Variants in GAS7 observed in about 807,000 individuals in gnomAD.
The protein encoded by GAS7 is growth arrest specific 7.
In GAS7, 28 loss-of-function variants were observed where a neutral mutation model predicts 71.1. That is an observed-to-expected ratio of 0.39 (90% confidence interval 0.29 to 0.54). GAS7 has a LOEUF of 0.54. Among genes scored for constraint, GAS7 ranks in the 20% least tolerant of loss-of-function variants. The pLI, the probability that GAS7 is intolerant of heterozygous loss-of-function variation, is 0.62. For missense variants in GAS7, 436 were observed against 627.8 expected, an observed-to-expected ratio of 0.69 and a Z score of 3.27; for synonymous variants, 258 against 245.8, an observed-to-expected ratio of 1.05 and a Z score of -0.46.
chr17:10,169,366 G>A (rs2074318414), intron 1 of GAS7, among the ~76,000 whole-genome samples: 1 of 152,146 alleles, frequency 6.6e-6, no homozygotes, highest in Non-Finnish European at 1.5e-5. Flanking sequence ...CTTCTTGTGG[G>A]TTAAGCCTGC....
In GAS7 at chr17:9,916,314, G is replaced by T; in HGVS notation, c.*914C>A. On this transcript the variant is annotated 3_prime_UTR_variant, in exon 14 of 14. Coordinates refer to ENST00000432992, the MANE Select transcript of GAS7 (RefSeq NM_201433.2). ...GCAGCCCAAAGGTGCACAGGGCACC[G>T]TGGCGGACAGGCCCCAGCTTGCTGG... The T allele has an allele frequency of 4.3e-6, 1 of 233,324 alleles. No individual in the cohort carries two copies. The highest frequency in any genetic ancestry group is 2.2e-5 in the African/African-American group (1 of 45,474). 14.5% of individuals were successfully genotyped at this position (233,324 alleles called of 1,614,324 possible). A position where few individuals can be genotyped will look rare whatever the true frequency, so the allele number is the denominator to read the frequency against.
At chr17:10,141,481 C>T (rs925806095) in intron 1 of GAS7, among the ~76,000 whole-genome samples, 17 of 152,000 alleles carry the variant, frequency 1.1e-4, no homozygotes, top group African/African-American at 3.4e-4. Context: ...AGTGCCTGAG[C>T]ACCCCTGAAG....
At chr17:10,161,334 G>A (rs2074254880) in intron 1 of GAS7, among the ~76,000 whole-genome samples, 2 of 152,214 alleles carry the variant, frequency 1.3e-5, no homozygotes, top group South Asian at 4.1e-4. Context: ...GGATTTAGGA[G>A]AGGCCTGGTT....
At chr17:9,965,882 G>A (rs1427391216) in intron 4 of GAS7, among the ~76,000 whole-genome samples, 2 of 152,060 alleles carry the variant, frequency 1.3e-5, no homozygotes, top group African/African-American at 2.4e-5. Flanking sequence ...GGCACCCTCA[G>A]GAACTGTGGG....
At chr17:10,116,860 C>T (rs1176377599) in intron 1 of GAS7, among the ~76,000 whole-genome samples, 1 of 151,712 alleles carries the variant, frequency 6.6e-6, no homozygotes, top group Non-Finnish European at 1.5e-5. Context: ...GGTCAATGAT[C>T]CAGTTTTGCT....
intron 1 of GAS7, among the ~76,000 whole-genome samples, chr17:10,180,406 C>T (rs2074405771): frequency 6.6e-6 from 1 of 151,868 alleles, no homozygotes; most frequent in African/African-American, 2.4e-5. Flanking sequence ...CTCATACAGC[C>T]AGCATGCAAA....
At chr17:10,126,437 C>A (rs966338429) in intron 1 of GAS7, among the ~76,000 whole-genome samples, 3 of 151,042 alleles carry the variant, frequency 2.0e-5, no homozygotes, top group African/African-American at 7.3e-5. Flanking sequence ...CACGCAGATG[C>A]ACACACGCGC....
chr17:9,953,144 A>G (rs996790360), intron 5 of GAS7, among the ~76,000 whole-genome samples: 28 of 152,002 alleles, frequency 1.8e-4, no homozygotes, highest in Admixed American at 1.8e-3. Context: ...TACATATACA[A>G]CATGAAATAC....
chr17:10,107,500 T>A (rs1159262342), intron 1 of GAS7, among the ~76,000 whole-genome samples: 1 of 144,622 alleles, frequency 6.9e-6, no homozygotes, highest in Non-Finnish European at 1.5e-5. Flanking sequence ...AGTCCAGTGG[T>A]GGCGGGCTGG....
chr17:9,999,518 A>C (rs1330679619), intron 2 of GAS7, among the ~76,000 whole-genome samples: 11 of 91,100 alleles, frequency 1.2e-4, no homozygotes, highest in African/African-American at 1.1e-3. Flanking sequence ...ACTTTGCCTC[A>C]AAAAAAAAAA....
intron 1 of GAS7, among the ~76,000 whole-genome samples, chr17:10,162,333 T>G (rs566567950): frequency 9.9e-5 from 15 of 152,252 alleles, no homozygotes; most frequent in African/African-American, 3.6e-4. Context: ...ATCCTCTCTC[T>G]CTAGGAGGGA....
At chr17:10,116,890 G>A (rs915525671) in intron 1 of GAS7, among the ~76,000 whole-genome samples, 1 of 151,760 alleles carries the variant, frequency 6.6e-6, no homozygotes, top group Non-Finnish European at 1.5e-5. Context: ...TAAATGATGA[G>A]GGGGGGAAAA....
rs894486738 is a variant in GAS7 at position 10,034,014 on chromosome 17, C to T, written c.184-14117G>A. On this transcript the variant is annotated intron_variant, in intron 1 of 13. Coordinates refer to ENST00000432992, the MANE Select transcript of GAS7 (RefSeq NM_201433.2). This position sits in a 1 kb window ranked among gnomAD's most constrained non-coding sequence, Gnocchi z 4.4. Reference sequence around the variant, plus strand: ...GTAAGGGGTGCAATTCTCACCAACCCGATTCAACTAACATTTCTGGAGCTG... The same window carrying T: ...GTAAGGGGTGCAATTCTCACCAACCTGATTCAACTAACATTTCTGGAGCTG... The T allele has an allele frequency of 2.5e-5, 13 of 528,890 alleles. No homozygotes were observed. The African/African-American group carries it at 2.5e-4, about 10-fold the overall frequency. 32.8% of individuals were successfully genotyped at this position (528,890 alleles called of 1,614,324 possible). A position where few individuals can be genotyped will look rare whatever the true frequency, so the allele number is the denominator to read the frequency against.
intron 1 of GAS7, among the ~76,000 whole-genome samples, chr17:10,147,143 CA>C (rs764722659): frequency 3.3e-5 from 5 of 152,144 alleles, no homozygotes; most frequent in South Asian, 2.1e-4. Flanking sequence ...CATGGTTTGC[CA>C]TTTTTTTTAA....
chr17:9,917,050 G>C lies in GAS7; in HGVS notation c.*178C>G, dbSNP rs2067604212. 1.7e-6 allele frequency: 1 copy of C among 603,194 alleles called. No individual in the cohort carries two copies. Among genetic ancestry groups the C allele is most frequent in the African/African-American group, 1.8e-5 (1 of 54,098 alleles). The allele number at this position is 603,194 out of a possible 1,614,324, so 37.4% of individuals were successfully genotyped here. On this transcript the variant is annotated 3_prime_UTR_variant, in exon 14 of 14. Transcript: ENST00000432992. ...GGCTGTGGGTCTGTCTTCTGGGCCT[G>C]GGAATATGGGGGAGCCCCCAGCTAG...
rs34907720 is a variant in GAS7 at position 9,946,969 on chromosome 17, C to A, written c.540G>T (p.Thr180=). Residue 180 remains threonine (T), a synonymous_variant, in exon 6 of 14, where the codon ACG becomes ACT. Transcript: ENST00000432992. ...CCGGCATCGTGTCTGGGTGAGGGAA[C>A]GTCACACAGTTTATCTGTAGGGCAC... ...KENTITINCV[T]FPHPDTMPEQ... is the part of the protein sequence containing the mutation. The A allele has an allele frequency of 1.2e-6, 2 of 1,610,906 alleles. No homozygotes were observed. The highest frequency in any genetic ancestry group is 1.7e-6 in the Non-Finnish European group (2 of 1,177,184).
intron 1 of GAS7, among the ~76,000 whole-genome samples, chr17:10,083,354 C>T (rs2152252422): frequency 6.6e-6 from 1 of 152,238 alleles, no homozygotes; most frequent in Non-Finnish European, 1.5e-5. Flanking sequence ...TGGTAAAACC[C>T]TGTCTCTACT....
At chr17:9,973,317 G>A (rs984230462) in intron 3 of GAS7, among the ~76,000 whole-genome samples, 2 of 151,222 alleles carry the variant, frequency 1.3e-5, no homozygotes, top group East Asian at 1.9e-4. Context: ...TGCAGTGGGC[G>A]ATCTCGGCTC....
At chr17:10,032,587 C>T (rs2072648108) in intron 1 of GAS7, among the ~76,000 whole-genome samples, 1 of 152,202 alleles carries the variant, frequency 6.6e-6, no homozygotes, top group Non-Finnish European at 1.5e-5. Context: ...ATAACCCATG[C>T]ATGGGACGGC....
Sources: gnomAD v4.1 joint callset for allele counts (sites outside exome capture counted in the v4.1 genomes callset) on GRCh38, gnomAD v4.1.1 for gene constraint, Gnocchi (gnomAD v3.1) non-coding constraint, MANE v1.5 for transcripts, NCBI Gene and HGNC (gene_info 2026-07-23, HGNC 2026-07-21) for gene names.